Variants in TMC2 observed in about 807,000 individuals in gnomAD.
The protein encoded by TMC2 is transmembrane channel-like protein 2.
TMC2 carries 102 observed loss-of-function variants against 105.9 expected under a neutral mutation model. The observed-to-expected ratio is 0.96, with a 90% CI of 0.82 to 1.14. The LOEUF (loss-of-function observed/expected upper bound fraction) is 1.14. Ranked by LOEUF, TMC2 falls within the 50% of genes most tolerant of loss-of-function variation. TMC2 has a pLI of 0.00. For synonymous variants in TMC2, 402 were observed against 422.8 expected, an observed-to-expected ratio of 0.95 and a Z score of 0.60; for missense variants, 1,093 against 1,134.3, an observed-to-expected ratio of 0.96 and a Z score of 0.52.
At chr20:2,604,479 G>A (rs1486007928) in intron 11 of TMC2, among the ~76,000 whole-genome samples, 1 of 152,108 alleles carries the variant, frequency 6.6e-6, no homozygotes, top group African/African-American at 2.4e-5. Flanking sequence ...AGTTTGCTAG[G>A]GCTGTGATAT....
intron 2 of TMC2, among the ~76,000 whole-genome samples, chr20:2,548,635 T>C (rs35691040): frequency 0.26 from 39,128 of 148,838 alleles, 6,276 homozygotes; most frequent in Admixed American, 0.38. Flanking sequence ...CGAAACTCCA[T>C]CTCAAAAAAA....
intron 5 of TMC2, among the ~76,000 whole-genome samples, chr20:2,573,268 T>G (rs1568509897): frequency 6.6e-6 from 1 of 152,160 alleles, no homozygotes; most frequent in Non-Finnish European, 1.5e-5. Flanking sequence ...TGTATTTAAT[T>G]TGGGACTTCC....
Position 2,635,909 on chromosome 20 carries a change from ATG to A in TMC2, c.2307-16_2307-15del. 1 of 1,610,134 alleles carries A rather than the reference ATG, an allele frequency of 6.2e-7. No individual in the cohort carries two copies. Among genetic ancestry groups the A allele is most frequent in the South Asian group, 1.1e-5 (1 of 90,996 alleles). On this transcript the variant is annotated splice_polypyrimidine_tract_variant and intron_variant, in intron 17 of 19. Transcript: ENST00000358864. ...CCAAGATCACGGGACCATAGGAGGC[ATG>A]CTTTTCTCTTGCAGCTTGGCCATTT... is the stretch of plus-strand genomic sequence containing the variant.
intron 16 of TMC2, 83 bp downstream of exon 16, chr20:2,617,394 G>T: frequency 6.4e-7 from 1 of 1,554,542 alleles, no homozygotes. Context: ...TCCAGTTCTG[G>T]TTTCATGCCA....
At chr20:2,606,942 T>C (rs2086398543) in intron 11 of TMC2, among the ~76,000 whole-genome samples, 1 of 150,010 alleles carries the variant, frequency 6.7e-6, no homozygotes, top group Non-Finnish European at 1.5e-5. Flanking sequence ...TCTGGGTTTT[T>C]CTAATTTTTA....
intron 3 of TMC2, among the ~76,000 whole-genome samples, chr20:2,559,978 C>T (rs2086013928): frequency 1.3e-5 from 2 of 152,218 alleles, no homozygotes; most frequent in South Asian, 4.1e-4. Context: ...GTTCCCGTTG[C>T]CTAGATACTG....
intron 17 of TMC2, among the ~76,000 whole-genome samples, chr20:2,629,884 T>C (rs2146264254): frequency 6.6e-6 from 1 of 152,332 alleles, no homozygotes; most frequent in African/African-American, 2.4e-5. Context: ...CTCATTCATT[T>C]ATTTATTATC....
intron 16 of TMC2, among the ~76,000 whole-genome samples, chr20:2,620,465 A>G (rs1486625123): frequency 1.3e-5 from 2 of 152,248 alleles, no homozygotes; most frequent in African/African-American, 2.4e-5. Flanking sequence ...CAACCATCAC[A>G]TCAGAAGTCA....
At chr20:2,624,494 C>A in intron 17 of TMC2, 98 bp downstream of exon 17, 1 of 1,383,950 alleles carries the variant, frequency 7.2e-7, no homozygotes, top group Non-Finnish European at 9.8e-7. Flanking sequence ...TCTTAGTCTG[C>A]ACTCCCCAGA....
At chr20:2,637,689 A>T (rs974124825) in intron 19 of TMC2, 98 bp downstream of exon 19, 3 of 836,022 alleles carry the variant, frequency 3.6e-6, no homozygotes, top group African/African-American at 1.7e-5. Context: ...CTGGGATTGA[A>T]ATCAGAATCC....
At chr20:2,611,972 A>C (rs1256552316) in intron 12 of TMC2, among the ~76,000 whole-genome samples, 2 of 152,076 alleles carry the variant, frequency 1.3e-5, no homozygotes, top group African/African-American at 4.8e-5. Flanking sequence ...ATGAATGCTG[A>C]CTTAGAGTAG....
At chr20:2,597,092 C>T (rs1232442686) in intron 9 of TMC2, 59 bp from the exon 10 acceptor site, 2 of 1,574,844 alleles carry the variant, frequency 1.3e-6, no homozygotes, top group African/African-American at 2.7e-5. Flanking sequence ...GCCAAGGTTC[C>T]CTGGGGGTGA....
In TMC2 at chr20:2,562,031, C is replaced by G. The variant is rs748460580; in HGVS notation, c.554+21C>G. 3 of 1,606,758 alleles carry G rather than the reference C, an allele frequency of 1.9e-6. No individual in the cohort carries two copies. In the South Asian group the frequency reaches 3.3e-5, roughly 18 times the overall value. ...CTCAGGTGAGCAGGCTGCGGGTCAG[C>G]CAGGGCCTTCCGATGTCCACAGCTC... is the stretch of plus-strand genomic sequence containing the variant. On this transcript the variant is annotated intron_variant, in intron 4 of 19. Coordinates refer to ENST00000358864, the MANE Select transcript of TMC2 (RefSeq NM_080751.3).
At chr20:2,621,144 C>T (rs963998855) in intron 16 of TMC2, among the ~76,000 whole-genome samples, 1 of 152,096 alleles carries the variant, frequency 6.6e-6, no homozygotes, top group South Asian at 2.1e-4. Flanking sequence ...GGGCAGATCA[C>T]GAGATCAGGA....
chr20:2,560,793 C>T (rs1044470702), intron 3 of TMC2, among the ~76,000 whole-genome samples: 8 of 150,218 alleles, frequency 5.3e-5, no homozygotes, highest in Admixed American at 4.0e-4. Flanking sequence ...GCCGAGATTG[C>T]GCCACTGCAC....
chr20:2,569,343 TTCAC>T (rs1308539311), intron 4 of TMC2, among the ~76,000 whole-genome samples: 2 of 152,252 alleles, frequency 1.3e-5, no homozygotes, highest in African/African-American at 4.8e-5. Flanking sequence ...AGGGTGCTCA[TTCAC>T]TCACTCAGTC....
At chr20:2,629,074 C>T (rs2086584801) in intron 17 of TMC2, among the ~76,000 whole-genome samples, 1 of 152,016 alleles carries the variant, frequency 6.6e-6, no homozygotes, top group African/African-American at 2.4e-5. Flanking sequence ...TGTACTCCAG[C>T]CTGGGCGACA....
chr20:2,537,606 G>A (rs1450104234), intron 2 of TMC2, among the ~76,000 whole-genome samples: 1 of 152,166 alleles, frequency 6.6e-6, no homozygotes, highest in East Asian at 1.9e-4. Context: ...GGGCAGGGAA[G>A]CTCGGTGCAG....
chr20:2,594,776 C>T (rs770655724), intron 8 of TMC2, 49 bp from the exon 9 acceptor site: 3 of 1,587,856 alleles, frequency 1.9e-6, no homozygotes, highest in Non-Finnish European at 2.6e-6. Flanking sequence ...CTGGTAACCA[C>T]CAGCTCTGAG....
Sources: allele counts gnomAD v4.1 joint callset (sites outside exome capture counted in the v4.1 genomes callset), GRCh38; gene constraint gnomAD v4.1.1; transcripts MANE v1.5; gene names NCBI Gene and HGNC (gene_info 2026-07-23, HGNC 2026-07-21).